Variants in GABRB1 observed in about 807,000 individuals in gnomAD.
The protein encoded by GABRB1 is gamma-aminobutyric acid receptor subunit beta-1.
Under a neutral mutation model 51.6 loss-of-function variants are expected in GABRB1, and 17 were observed. The ratio of observed to expected loss-of-function variants is 0.33; its 90% confidence interval spans 0.23 to 0.49. The LOEUF (loss-of-function observed/expected upper bound fraction) is 0.49. Ranked by LOEUF, GABRB1 falls within the 20% of genes least tolerant of loss-of-function variation. The pLI is 0.99. For missense variants in GABRB1, 410 were observed against 600.6 expected (o/e 0.68, Z 3.32); for synonymous variants, 247 against 218.9 (o/e 1.13, Z -1.14).
chr4:47,111,067 G>A (rs760622646), intron 3 of GABRB1, among the ~76,000 whole-genome samples: 4 of 152,108 alleles, frequency 2.6e-5, no homozygotes, highest in Non-Finnish European at 4.4e-5. Context: ...CTCTCAGTGC[G>A]ATATGGAAAA....
intron 3 of GABRB1, among the ~76,000 whole-genome samples, chr4:47,140,186 C>G (rs1472822850): frequency 6.6e-6 from 1 of 151,078 alleles, no homozygotes. Flanking sequence ...AGGGGAAGCA[C>G]AAATCCTGTG....
chr4:47,318,563 C>A (rs868828321), intron 4 of GABRB1, among the ~76,000 whole-genome samples: 19 of 151,990 alleles, frequency 1.3e-4, no homozygotes, highest in African/African-American at 4.3e-4. Context: ...CAGCAGGTAG[C>A]ATATAAGCAG....
chr4:47,146,373 A>G lies in GABRB1; in HGVS notation c.241-14876A>G, dbSNP rs575492628. Reference sequence around the variant, plus strand: ...AATGCGTCTTTGTAGAGCAACAGTAAGAGAAAATTTCAGGCTTAAGTTCCC... The same window carrying G: ...AATGCGTCTTTGTAGAGCAACAGTAGGAGAAAATTTCAGGCTTAAGTTCCC... On this transcript the variant is annotated intron_variant, in intron 3 of 8. Coordinates refer to ENST00000295454, the MANE Select transcript of GABRB1 (RefSeq NM_000812.4). Among the ~76,000 whole-genome samples the G allele has an allele frequency of 1.2e-4, 18 of 152,034 alleles. 1 individual carries two copies. The South Asian group carries it at 3.7e-3, about 32-fold the overall frequency.
At chr4:47,181,244 G>C (rs1342117746) in intron 4 of GABRB1, among the ~76,000 whole-genome samples, 2 of 151,804 alleles carry the variant, frequency 1.3e-5, no homozygotes, top group African/African-American at 4.8e-5. Context: ...GGAATCCTAG[G>C]CATTTCTTCA....
Position 47,087,279 on chromosome 4 carries a change from A to AT in GABRB1, c.240+54806dup, listed in dbSNP as rs202240250. Among the ~76,000 whole-genome samples, 372 of 71,534 alleles carry AT rather than the reference A, an allele frequency of 5.2e-3. 6 individuals carry two copies. In the East Asian group the frequency reaches 0.085, roughly 16 times the overall value. 46.9% of individuals were successfully genotyped at this position (71,534 alleles called of 152,430 possible). ...GATACAATAAAATACGGTAGCATTA[A>AT]TTTTTTTTTTTGTGAAATGTTAACC... On this transcript the variant is annotated intron_variant, in intron 3 of 8. Transcript: ENST00000295454.
chr4:47,401,108 T>A (rs1327001265), intron 5 of GABRB1, among the ~76,000 whole-genome samples: 2 of 152,072 alleles, frequency 1.3e-5, no homozygotes, highest in Non-Finnish European at 2.9e-5. Flanking sequence ...GGTGGGCACT[T>A]AGGTTGACTC....
At chr4:47,129,317 C>T (rs1276493365) in intron 3 of GABRB1, among the ~76,000 whole-genome samples, 2 of 152,030 alleles carry the variant, frequency 1.3e-5, no homozygotes, top group African/African-American at 4.8e-5. Flanking sequence ...AAAGCAGACC[C>T]CAAACTGAAA....
chr4:47,010,059 C>T (rs1025584089), intron 1 of GABRB1, among the ~76,000 whole-genome samples: 1 of 152,184 alleles, frequency 6.6e-6, no homozygotes, highest in Non-Finnish European at 1.5e-5. Context: ...GGCTTCTGCT[C>T]ACCTCTGGAT....
chr4:47,344,235 A>G (rs1726006928), intron 5 of GABRB1, among the ~76,000 whole-genome samples: 1 of 152,166 alleles, frequency 6.6e-6, no homozygotes, highest in Non-Finnish European at 1.5e-5. Context: ...GGAGAAATTG[A>G]TGGTTGGGTT....
Position 47,164,901 on chromosome 4 carries a change from C to T in GABRB1, c.461+3432C>T, listed in dbSNP as rs539178986. Among the ~76,000 whole-genome samples, 4 of 152,178 alleles carry T rather than the reference C, an allele frequency of 2.6e-5. No individual in the cohort carries two copies. The East Asian group carries it at 7.7e-4, about 29-fold the overall frequency. ...TTCGGCCCTTGGGAGAGACTTCATTCCTTGTGCCTCTTGCCCTTAGGTCAC... is the reference window on the plus strand; with the variant it reads ...TTCGGCCCTTGGGAGAGACTTCATTTCTTGTGCCTCTTGCCCTTAGGTCAC... On this transcript the variant is annotated intron_variant, in intron 4 of 8. Coordinates refer to ENST00000295454, the MANE Select transcript of GABRB1 (RefSeq NM_000812.4).
intron 3 of GABRB1, among the ~76,000 whole-genome samples, chr4:47,079,459 T>A (rs572295241): frequency 2.0e-5 from 3 of 152,188 alleles, no homozygotes; most frequent in African/African-American, 7.2e-5. Context: ...GGTGGTGATA[T>A]CCCCTTTATC....
rs145915407 is a variant in GABRB1 at position 47,074,494 on chromosome 4, G to T, written c.240+42010G>T. 6.0e-4 allele frequency among the ~76,000 whole-genome samples: 91 copies of T among 152,234 alleles called. No individual in the cohort carries two copies. The East Asian group carries it at 0.012, about 20-fold the overall frequency. ...CAGGACATTTTAATCTATAAAATGGGTATAAAATACCAATATCACATTTCT... is the reference window on the plus strand; with the variant it reads ...CAGGACATTTTAATCTATAAAATGGTTATAAAATACCAATATCACATTTCT... On this transcript the variant is annotated intron_variant, in intron 3 of 8. Coordinates refer to ENST00000295454, the MANE Select transcript of GABRB1 (RefSeq NM_000812.4).
At chr4:47,238,714 T>G (rs932982337) in intron 4 of GABRB1, among the ~76,000 whole-genome samples, 5 of 152,176 alleles carry the variant, frequency 3.3e-5, no homozygotes, top group African/African-American at 9.6e-5. Flanking sequence ...CGAAAAGTTT[T>G]GGAATACTTA....
intron 4 of GABRB1, among the ~76,000 whole-genome samples, chr4:47,304,959 G>C: frequency 6.6e-6 from 1 of 151,980 alleles, no homozygotes; most frequent in Non-Finnish European, 1.5e-5. Flanking sequence ...ACTTAACATG[G>C]GAGGAAACTC....
chr4:47,196,854 A>G (rs1040773926), intron 4 of GABRB1, among the ~76,000 whole-genome samples: 1 of 152,234 alleles, frequency 6.6e-6, no homozygotes, highest in Admixed American at 6.5e-5. Flanking sequence ...CACATTTTAC[A>G]TTGAGCACTC....
chr4:47,270,176 G>A (rs2109891929), intron 4 of GABRB1, among the ~76,000 whole-genome samples: 1 of 152,330 alleles, frequency 6.6e-6, no homozygotes, highest in East Asian at 1.9e-4. Flanking sequence ...GGCTGGCTCT[G>A]AATGTATGCA....
At chr4:47,195,439 GATAGATGATAGATAGATTA>G (rs1560580314) in intron 4 of GABRB1, among the ~76,000 whole-genome samples, 14 of 103,452 alleles carry the variant, frequency 1.4e-4, no homozygotes, top group African/African-American at 5.8e-4. Flanking sequence ...TAGATAGATA[GATAGATGATAGATAGATTA>G]GATGATAGAT....
At chr4:47,230,313 C>A (rs1048982512) in intron 4 of GABRB1, among the ~76,000 whole-genome samples, 2 of 152,066 alleles carry the variant, frequency 1.3e-5, no homozygotes, top group African/African-American at 4.8e-5. Context: ...AGGAGGGATG[C>A]TCACTGATTC....
intron 5 of GABRB1, among the ~76,000 whole-genome samples, chr4:47,336,633 T>TA (rs368446655): frequency 5.9e-4 from 88 of 148,826 alleles, no homozygotes; most frequent in Admixed American, 4.3e-3. Flanking sequence ...GAAATCAAGG[T>TA]AAAAAAAAAA....
Sources: allele counts gnomAD v4.1 joint callset (sites outside exome capture counted in the v4.1 genomes callset), GRCh38; gene constraint gnomAD v4.1.1; transcripts MANE v1.5; gene names NCBI Gene and HGNC (gene_info 2026-07-23, HGNC 2026-07-21).